SASH1: variants seen among roughly 807,000 people sequenced by gnomAD.
SASH1 encodes SAM and SH3 domain containing 1.
SASH1 carries 44 observed loss-of-function variants against 125.2 expected under a neutral mutation model. The ratio of observed to expected loss-of-function variants is 0.35; its 90% CI spans 0.28 to 0.45. SASH1 has a LOEUF of 0.45. Among genes scored for constraint, SASH1 ranks in the 20% least tolerant of loss-of-function variants. The pLI is 1.00. For synonymous variants in SASH1, 639 were observed against 649.1 expected, an observed-to-expected ratio of 0.98 and a Z score of 0.24; for missense variants, 1,426 against 1,614.5, an observed-to-expected ratio of 0.88 and a Z score of 2.00.
At chr6:148,469,983 A>G (rs1583211577) in intron 5 of SASH1, among the ~76,000 whole-genome samples, 1 of 151,066 alleles carries the variant, frequency 6.6e-6, no homozygotes, top group South Asian at 2.1e-4. Flanking sequence ...CCAAGATTGC[A>G]CCGCTGCACT....
At chr6:148,401,843 A>C (rs1784181267) in intron 2 of SASH1, among the ~76,000 whole-genome samples, 1 of 152,126 alleles carries the variant, frequency 6.6e-6, no homozygotes, top group Admixed American at 6.5e-5. Flanking sequence ...TTTCTTAACA[A>C]AGATGCCAAA....
At position 148,529,053 on chromosome 6, in the gene SASH1, C is replaced by T. The variant is rs576755155; in HGVS notation, c.1428+1457C>T. The stretch of plus-strand genomic sequence containing the variant: ...TCGTGCTCCTACGAGAATCTAATAC[C>T]GCCGCTGATCTGACAGGAGGTGGAG... On this transcript the variant is annotated intron_variant, in intron 12 of 19. Transcript: ENST00000367467. The surrounding 1 kb of genome is among the most constrained non-coding windows in gnomAD (Gnocchi z 4.2). Among the ~76,000 whole-genome samples the T allele has an allele frequency of 9.9e-5, 15 of 152,178 alleles. No homozygotes were observed. Among genetic ancestry groups the T allele is most frequent in the East Asian group, 1.9e-4 (1 of 5,170 alleles).
At chr6:148,244,932 A>ATG in the SASH1 span, among the ~76,000 whole-genome samples, 19,040 of 118,990 alleles carry the variant, frequency 0.16, 1,686 homozygotes, top group Admixed American at 0.26. Context: ...GTGTGTGTGT[A>ATG]TGTGTGTGTG....
intron 8 of SASH1, chr6:148,508,429 T>C: frequency 1.0e-6 from 1 of 990,040 alleles, no homozygotes; most frequent in Non-Finnish European, 1.2e-6. Context: ...CGTTCTTTTT[T>C]CTGTCTCTGG....
intron 1 of SASH1, among the ~76,000 whole-genome samples, chr6:148,297,062 T>C (rs528175968): frequency 6.6e-6 from 1 of 152,296 alleles, no homozygotes; most frequent in East Asian, 1.9e-4. Flanking sequence ...AGTATTTCCA[T>C]ATGGACAGGA....
chr6:148,257,838 C>G, the SASH1 span, among the ~76,000 whole-genome samples: 2 of 151,984 alleles, frequency 1.3e-5, no homozygotes, highest in East Asian at 3.9e-4. Flanking sequence ...AACATGTTGC[C>G]CACGATGGTC....
chr6:148,315,472 T>C (rs1780455943), intron 1 of SASH1, among the ~76,000 whole-genome samples: 2 of 152,238 alleles, frequency 1.3e-5, no homozygotes, highest in Admixed American at 1.3e-4. Flanking sequence ...CTTAGATTCC[T>C]TGATGAATCT....
At chr6:148,492,827 T>TATAA (rs4052629) in intron 8 of SASH1, among the ~76,000 whole-genome samples, 1,777 of 145,540 alleles carry the variant, frequency 0.012, 24 homozygotes, top group African/African-American at 0.026. Flanking sequence ...TCTCATAAAA[T>TATAA]ATAAATAAAT....
At chr6:148,431,649 G>A (rs1776063789) in intron 2 of SASH1, among the ~76,000 whole-genome samples, 1 of 151,588 alleles carries the variant, frequency 6.6e-6, no homozygotes, top group Non-Finnish European at 1.5e-5. Context: ...TGACCGCCCT[G>A]CACTAGTCCA....
At chr6:148,355,641 G>C (rs1404076350) in intron 1 of SASH1, among the ~76,000 whole-genome samples, 1 of 152,126 alleles carries the variant, frequency 6.6e-6, no homozygotes, top group Non-Finnish European at 1.5e-5. Flanking sequence ...TCTTTAGAAA[G>C]CAGGATGCCT....
chr6:148,335,577 G>T (rs933773072), intron 1 of SASH1, among the ~76,000 whole-genome samples: 4 of 151,898 alleles, frequency 2.6e-5, no homozygotes, highest in Non-Finnish European at 5.9e-5. Flanking sequence ...TAAATGAATG[G>T]ATATATCCGA....
intron 1 of SASH1, among the ~76,000 whole-genome samples, chr6:148,286,264 G>A (rs1779479785): frequency 6.6e-6 from 1 of 151,944 alleles, no homozygotes; most frequent in Non-Finnish European, 1.5e-5. Context: ...AGCTGGGCGT[G>A]GTGGCGTATG....
At chr6:148,265,265 G>A in the SASH1 span, among the ~76,000 whole-genome samples, 1 of 146,252 alleles carries the variant, frequency 6.8e-6, no homozygotes, top group Admixed American at 6.9e-5. Flanking sequence ...AGCTAAGCAG[G>A]TTCCACTGCA....
chr6:148,263,018 G>A, the SASH1 span, among the ~76,000 whole-genome samples: 240 of 152,266 alleles, frequency 1.6e-3, 3 homozygotes, highest in East Asian at 0.038. Context: ...TCTGGGGGAG[G>A]CAATGGAGAT....
intron 4 of SASH1, among the ~76,000 whole-genome samples, chr6:148,456,732 C>T (rs1453205704): frequency 2.6e-5 from 4 of 151,794 alleles, no homozygotes; most frequent in East Asian, 3.9e-4. Context: ...CATGGTGGTG[C>T]GCGCCTGTAG....
At chr6:148,321,027 T>G (rs534510456) in intron 1 of SASH1, among the ~76,000 whole-genome samples, 1 of 152,346 alleles carries the variant, frequency 6.6e-6, no homozygotes, top group African/African-American at 2.4e-5. Context: ...ATAAAGCACC[T>G]TGTGCGTTCC....
the SASH1 span, among the ~76,000 whole-genome samples, chr6:148,235,505 A>G: frequency 1.3e-5 from 2 of 152,190 alleles, no homozygotes; most frequent in Admixed American, 6.5e-5. Flanking sequence ...GAAACTGTAT[A>G]ATTTTTAAAA....
chr6:148,390,381 T>A, intron 2 of SASH1, 119 bp downstream of exon 2: 2 of 947,024 alleles, frequency 2.1e-6, no homozygotes, highest in Non-Finnish European at 3.1e-6. Flanking sequence ...GCTGCTGCAC[T>A]AGTGTGGGGT....
chr6:148,302,341 A>AAAAAAAAAAAAAAT lies in SASH1; in HGVS notation n.74+29964_74+29965insAAAAAAAAAAAAAT, dbSNP rs34513109. ...AAAAAAAAAAAAAAAAAAAAAAAAAACTAGTAATATTATGACCTTGGTTAA... is the reference window on the plus strand; with the variant it reads ...AAAAAAAAAAAAAAAAAAAAAAAAAAAAAAAAAAAAAAATCTAGTAATATTATGACCTTGGTTAA... On this transcript the variant is annotated intron_variant and non_coding_transcript_variant, in intron 1 of 3. Transcript: ENST00000367469. 7.2e-4 allele frequency among the ~76,000 whole-genome samples: 75 copies of AAAAAAAAAAAAAAT among 104,444 alleles called. 21 individuals are homozygous for AAAAAAAAAAAAAAT. The highest frequency in any genetic ancestry group is 2.7e-3 in the East Asian group (7 of 2,566). The allele number at this position is 104,444 out of a possible 152,430, so 68.5% of individuals were successfully genotyped here.
Sources: allele counts gnomAD v4.1 joint callset (sites outside exome capture counted in the v4.1 genomes callset), GRCh38; gene constraint gnomAD v4.1.1; non-coding constraint Gnocchi (gnomAD v3.1); transcripts MANE v1.5; gene names NCBI Gene and HGNC (gene_info 2026-07-23, HGNC 2026-07-21).